Variants in FAF1 observed in about 807,000 individuals in gnomAD.
The protein encoded by FAF1 is FAS-associated factor 1.
In FAF1, 25 loss-of-function variants were observed where a neutral mutation model predicts 92.5. That is an observed-to-expected ratio of 0.27 (90% confidence interval 0.20 to 0.38). The LOEUF (loss-of-function observed/expected upper bound fraction) is 0.38. FAF1 is among the 10% of genes least tolerant of loss of function. The pLI, the probability that FAF1 is intolerant of heterozygous loss-of-function variation, is 1.00. For synonymous variants in FAF1, 234 were observed against 273.2 expected, an observed-to-expected ratio of 0.86 and a Z score of 1.42; for missense variants, 636 against 793.3, an observed-to-expected ratio of 0.80 and a Z score of 2.38.
chr1:50,959,982 C>A lies in FAF1; in HGVS notation c.-171G>T. On this transcript the variant is annotated 5_prime_UTR_variant, in exon 1 of 19. It removes the in-frame stop codon of an upstream open reading frame in the 5' UTR. Coordinates refer to ENST00000396153, the MANE Select transcript of FAF1 (RefSeq NM_007051.3). ...AGCGGGCGGGGCAGCGCGGGAAGCG[C>A]TAGGCGCTCATGCACTCGGTAACCT... The A allele has an allele frequency of 2.5e-6, 1 of 396,550 alleles. No individual in the cohort carries two copies. Among genetic ancestry groups the A allele is most frequent in the Non-Finnish European group, 4.4e-6 (1 of 228,994 alleles). 24.6% of individuals were successfully genotyped at this position (396,550 alleles called of 1,614,324 possible).
chr1:50,471,398 A>G (rs1243356233), intron 18 of FAF1, among the ~76,000 whole-genome samples: 1 of 152,170 alleles, frequency 6.6e-6, no homozygotes, highest in African/African-American at 2.4e-5. Flanking sequence ...CATTTAAACA[A>G]AACTTTACTG....
At chr1:50,538,334 T>TA (rs1195532055) in intron 14 of FAF1, among the ~76,000 whole-genome samples, 1 of 152,004 alleles carries the variant, frequency 6.6e-6, no homozygotes, top group African/African-American at 2.4e-5. Context: ...CATAAACTAT[T>TA]AAAAGGGTTA....
At chr1:50,794,887 T>C (rs1661690677) in intron 3 of FAF1, among the ~76,000 whole-genome samples, 1 of 151,820 alleles carries the variant, frequency 6.6e-6, no homozygotes, top group South Asian at 2.1e-4. Flanking sequence ...TCCACCCGCC[T>C]TGGCCTCCCA....
At chr1:50,575,009 C>T (rs1237498939) in intron 12 of FAF1, among the ~76,000 whole-genome samples, 4 of 148,352 alleles carry the variant, frequency 2.7e-5, no homozygotes, top group Admixed American at 6.8e-5. Flanking sequence ...CCTGGGTTCA[C>T]GCCATTCTCC....
At chr1:50,765,885 G>A (rs1261187969) in intron 4 of FAF1, among the ~76,000 whole-genome samples, 1 of 152,226 alleles carries the variant, frequency 6.6e-6, no homozygotes, top group African/African-American at 2.4e-5. Context: ...GAGGTCAGGA[G>A]TTCAAGACCA....
chr1:50,808,560 G>A (rs1187132785), intron 2 of FAF1, among the ~76,000 whole-genome samples: 1 of 151,054 alleles, frequency 6.6e-6, no homozygotes, highest in Non-Finnish European at 1.5e-5. Flanking sequence ...CAGGCTCAAA[G>A]TAAACAGAGA....
rs936344476 is a variant in FAF1, at chr1:50,594,320, A to G, written c.840+1801T>C. On this transcript the variant is annotated intron_variant, in intron 9 of 18. Transcript: ENST00000396153. ...ACAGAGTGAGATCCTGTCTCAAAAAAAAAAAAAAAAAATTATAGTTTAAAT... is the reference window on the plus strand; with the variant it reads ...ACAGAGTGAGATCCTGTCTCAAAAAGAAAAAAAAAAAATTATAGTTTAAAT... Among the ~76,000 whole-genome samples, 156 of 152,048 alleles carry G rather than the reference A, an allele frequency of 1.0e-3. 1 individual carries two copies. Among genetic ancestry groups the G allele is most frequent in the Non-Finnish European group, 1.9e-3 (131 of 67,968 alleles).
chr1:50,541,587 T>C (rs1299763494), intron 13 of FAF1, among the ~76,000 whole-genome samples: 1 of 152,102 alleles, frequency 6.6e-6, no homozygotes, highest in Non-Finnish European at 1.5e-5. Context: ...GTCAAAAAAA[T>C]AGTTGGAATG....
chr1:50,536,053 T>G (rs1363209963), intron 14 of FAF1, among the ~76,000 whole-genome samples: 1 of 152,188 alleles, frequency 6.6e-6, no homozygotes, highest in Admixed American at 6.5e-5. Flanking sequence ...TACTTACAAT[T>G]ATCTTCTATC....
chr1:50,829,335 G>T (rs1024564088), intron 2 of FAF1, among the ~76,000 whole-genome samples: 1 of 152,192 alleles, frequency 6.6e-6, no homozygotes, highest in Non-Finnish European at 1.5e-5. Context: ...CTGTTGTGTG[G>T]TGGGGTAAAA....
intron 8 of FAF1, among the ~76,000 whole-genome samples, chr1:50,649,678 C>T (rs1405720945): frequency 6.6e-6 from 1 of 151,172 alleles, no homozygotes; most frequent in East Asian, 1.9e-4. Flanking sequence ...CACAGTGCCT[C>T]ATGCCTGTAA....
chr1:50,549,979 T>C (rs1344339211), intron 13 of FAF1, among the ~76,000 whole-genome samples: 1 of 152,128 alleles, frequency 6.6e-6, no homozygotes, highest in African/African-American at 2.4e-5. Context: ...GGTTGGTTGG[T>C]TTCTCTTGGA....
intron 12 of FAF1, among the ~76,000 whole-genome samples, chr1:50,580,033 T>C (rs1249524961): frequency 6.6e-6 from 1 of 152,130 alleles, no homozygotes; most frequent in East Asian, 1.9e-4. Flanking sequence ...AGGGGTAAAG[T>C]ATGACATCTA....
chr1:50,499,277 G>A (rs1405704720), intron 15 of FAF1, among the ~76,000 whole-genome samples: 1 of 151,452 alleles, frequency 6.6e-6, no homozygotes, highest in Non-Finnish European at 1.5e-5. Context: ...GAATAGAAGT[G>A]ATATGAACAG....
intron 2 of FAF1, among the ~76,000 whole-genome samples, chr1:50,813,743 C>T (rs1022337321): frequency 1.1e-4 from 16 of 151,924 alleles, no homozygotes; most frequent in African/African-American, 3.9e-4. Flanking sequence ...ATGCTTTATG[C>T]TTTTCATTTA....
At chr1:50,571,245 A>G (rs1408145538) in intron 12 of FAF1, among the ~76,000 whole-genome samples, 2 of 152,208 alleles carry the variant, frequency 1.3e-5, no homozygotes, top group African/African-American at 4.8e-5. Flanking sequence ...AGTCTGGCAG[A>G]CCACAAAGGC....
chr1:50,625,612 C>T (rs1352265803), intron 8 of FAF1, among the ~76,000 whole-genome samples: 1 of 151,966 alleles, frequency 6.6e-6, no homozygotes, highest in Non-Finnish European at 1.5e-5. Flanking sequence ...GGAGTGTAAG[C>T]ACCTTAGAAG....
intron 4 of FAF1, among the ~76,000 whole-genome samples, chr1:50,767,280 G>T (rs1660610961): frequency 6.6e-6 from 1 of 151,978 alleles, no homozygotes; most frequent in Admixed American, 6.6e-5. Flanking sequence ...ACTCAAAAAA[G>T]AACAAACAAA....
intron 17 of FAF1, among the ~76,000 whole-genome samples, chr1:50,480,148 CT>C (rs889623771): frequency 6.6e-6 from 1 of 151,854 alleles, no homozygotes; most frequent in African/African-American, 2.4e-5. Context: ...TGATCTGGTA[CT>C]TTTTTTTCTA....
Sources: allele counts gnomAD v4.1 joint callset (sites outside exome capture counted in the v4.1 genomes callset), GRCh38; gene constraint gnomAD v4.1.1; transcripts MANE v1.5; gene names NCBI Gene and HGNC (gene_info 2026-07-23, HGNC 2026-07-21).